Variants in GPR107 observed in about 807,000 individuals in gnomAD.
The protein encoded by GPR107 is G protein-coupled receptor 107.
Under a neutral mutation model 75.5 loss-of-function variants are expected in GPR107, and 31 were observed. The ratio of observed to expected loss-of-function variants is 0.41; its 90% CI spans 0.31 to 0.55. The LOEUF is 0.55. Ranked by LOEUF, GPR107 falls within the 20% of genes least tolerant of loss-of-function variation. The probability of loss-of-function intolerance (pLI) is 0.26; values close to 1 mark genes in which losing one functional copy is unlikely to be tolerated. For missense variants in GPR107, 572 were observed against 665.7 expected, an observed-to-expected ratio of 0.86 and a Z score of 1.55; for synonymous variants, 267 against 251.3, an observed-to-expected ratio of 1.06 and a Z score of -0.59.
At chr9:130,128,244 C>G (rs536797199) in intron 16 of GPR107, among the ~76,000 whole-genome samples, 1 of 152,182 alleles carries the variant, frequency 6.6e-6, no homozygotes, top group East Asian at 1.9e-4. Context: ...CTTCTTTGCC[C>G]ATTTTATTAT....
intron 10 of GPR107, among the ~76,000 whole-genome samples, chr9:130,100,386 A>G (rs1038671599): frequency 6.6e-6 from 1 of 152,222 alleles, no homozygotes; most frequent in Admixed American, 6.5e-5. Flanking sequence ...TAAGATCACA[A>G]CTTCTCCTGT....
intron 1 of GPR107, among the ~76,000 whole-genome samples, chr9:130,071,023 CTTTTTTTTTTTCTTTT>C (rs1412546039): frequency 1.9e-5 from 2 of 106,282 alleles, no homozygotes; most frequent in Non-Finnish European, 3.8e-5. Flanking sequence ...CCAGTCCTAA[CTTTTTTTTTTTCTTTT>C]TTTTTTTTTT....
At chr9:130,086,545 A>G in intron 7 of GPR107, 69 bp downstream of exon 7, 1 of 908,830 alleles carries the variant, frequency 1.1e-6, no homozygotes, top group South Asian at 1.4e-5. Flanking sequence ...ATTTTTTTTT[A>G]GAGGAATTTT....
chr9:130,101,251 C>A, intron 12 of GPR107, 28 bp downstream of exon 12: 1 of 1,205,614 alleles, frequency 8.3e-7, no homozygotes, highest in Non-Finnish European at 1.2e-6. Context: ...CCATTTGTCA[C>A]TTCCTTTCTT....
At position 130,079,260 on chromosome 9, in the gene GPR107, G is replaced by T. The variant is rs145928896; in HGVS notation, c.387-370G>T. ...TTACAGGCGTGAGCCACCATGCCTG[G>T]CCTGGATTTCACTTTAAAGTCTTAC... On this transcript the variant is annotated intron_variant, in intron 4 of 17. Coordinates refer to ENST00000347136, the MANE Select transcript of GPR107 (RefSeq NM_020960.5). Among the ~76,000 whole-genome samples the T allele has an allele frequency of 3.0e-3, 464 of 152,272 alleles. 4 individuals carry two copies. Among genetic ancestry groups the T allele is most frequent in the African/African-American group, 0.01 (430 of 41,558 alleles).
intron 3 of GPR107, among the ~76,000 whole-genome samples, chr9:130,076,891 T>G (rs977197934): frequency 2.0e-5 from 3 of 150,434 alleles, no homozygotes; most frequent in South Asian, 2.1e-4. Flanking sequence ...CTTTTGTTTT[T>G]TGTTTTTTTT....
intron 6 of GPR107, among the ~76,000 whole-genome samples, chr9:130,085,053 T>C (rs1830583472): frequency 1.3e-5 from 2 of 152,080 alleles, no homozygotes; most frequent in Non-Finnish European, 2.9e-5. Context: ...TCTTAGATAA[T>C]ATAGGGCCAA....
At chr9:130,065,386 G>A (rs1169003575) in intron 1 of GPR107, among the ~76,000 whole-genome samples, 1 of 150,198 alleles carries the variant, frequency 6.7e-6, no homozygotes, top group Non-Finnish European at 1.5e-5. Flanking sequence ...ACAGTGAGCC[G>A]AGATCGCACC....
At chr9:130,091,974 G>T (rs575049082) in intron 8 of GPR107, among the ~76,000 whole-genome samples, 1 of 151,982 alleles carries the variant, frequency 6.6e-6, no homozygotes, top group African/African-American at 2.4e-5. Flanking sequence ...GATTACAGGC[G>T]TGAGCCACTG....
chr9:130,072,513 C>G (rs1564662217), intron 1 of GPR107, among the ~76,000 whole-genome samples: 3 of 152,018 alleles, frequency 2.0e-5, no homozygotes, highest in East Asian at 3.9e-4. Context: ...GCCACCGCGC[C>G]CGGCCTTGAT....
Position 130,053,955 on chromosome 9 carries a change from G to A in GPR107, c.23G>A (p.Gly8Asp), listed in dbSNP as rs748597327. Residue 8 changes from glycine (G) to aspartate (D), a missense_variant, in exon 1 of 18, where the codon GGC (glycine) becomes GAC (aspartate). Transcript: ENST00000347136. MAALAPVGSPASRGPRLA... is the reference protein window; with the variant it reads MAALAPVDSPASRGPRLA... ...AACATGGCCGCTCTGGCGCCCGTCGGCTCCCCCGCCTCCCGCGGTCCTAGG... is the reference window on the plus strand; with the variant it reads ...AACATGGCCGCTCTGGCGCCCGTCGACTCCCCCGCCTCCCGCGGTCCTAGG... 1 of 1,555,970 alleles carries A rather than the reference G, an allele frequency of 6.4e-7. No individual in the cohort carries two copies. The highest frequency in any genetic ancestry group is 8.7e-7 in the Non-Finnish European group (1 of 1,151,368).
At chr9:130,066,866 G>T (rs1830082761) in intron 1 of GPR107, among the ~76,000 whole-genome samples, 1 of 152,078 alleles carries the variant, frequency 6.6e-6, no homozygotes, top group East Asian at 1.9e-4. Context: ...GGCGCCTGTA[G>T]TCCCAACTAC....
Position 130,076,611 on chromosome 9 carries a change from C to G in GPR107, c.306+149C>G, listed in dbSNP as rs547057650. Reference sequence around the variant, plus strand: ...CTCACTGCAACCTTGACCTCCCAGGCTTAAGCGATCCTCCCGCCTCAGTCC... The same window carrying G: ...CTCACTGCAACCTTGACCTCCCAGGGTTAAGCGATCCTCCCGCCTCAGTCC... On this transcript the variant is annotated intron_variant, in intron 3 of 17. Coordinates refer to ENST00000347136, the MANE Select transcript of GPR107 (RefSeq NM_020960.5). 1.1e-5 allele frequency: 7 copies of G among 635,602 alleles called. 1 individual carries two copies. The highest frequency in any genetic ancestry group is 2.6e-4 in the Middle Eastern group (1 of 3,918). 39.4% of individuals were successfully genotyped at this position (635,602 alleles called of 1,614,324 possible).
chr9:130,059,316 TG>T (rs1395092582), intron 1 of GPR107, among the ~76,000 whole-genome samples: 1 of 152,104 alleles, frequency 6.6e-6, no homozygotes, highest in Admixed American at 6.6e-5. Flanking sequence ...GGTAAAACCC[TG>T]TCTCTACTAA....
intron 9 of GPR107, among the ~76,000 whole-genome samples, chr9:130,094,681 G>GTT (rs540126705): frequency 1.3e-5 from 2 of 149,360 alleles, no homozygotes; most frequent in African/African-American, 4.9e-5. Flanking sequence ...GTTTGTTTTT[G>GTT]TTTTTTTTTG....
At position 130,120,912 on chromosome 9, in the gene GPR107, AAAAC is replaced by A. The variant is rs572565561; in HGVS notation, c.1307-3994_1307-3991del. The A allele has an allele frequency of 7.9e-5, 12 of 152,214 alleles. No homozygotes were observed. The South Asian group carries it at 8.3e-4, about 11-fold the overall frequency. The allele number at this position is 152,214 out of a possible 1,614,324, so 9.4% of individuals were successfully genotyped here. A position where few individuals can be genotyped will look rare whatever the true frequency, so the allele number is the denominator to read the frequency against. On this transcript the variant is annotated intron_variant, in intron 14 of 17. Coordinates refer to ENST00000347136, the MANE Select transcript of GPR107 (RefSeq NM_020960.5). The stretch of plus-strand genomic sequence containing the variant: ...TCACTGCTGCAGTTGACTAGTTTAA[AAAAC>A]AAACAAACGGGCTGGCAGGGTGGCT...
chr9:130,069,984 CTTTTTT>C (rs1045979986), intron 1 of GPR107, among the ~76,000 whole-genome samples: 1 of 45,426 alleles, frequency 2.2e-5, no homozygotes, highest in African/African-American at 8.6e-5. Flanking sequence ...TGCCTGGCCT[CTTTTTT>C]TTTTTTTTTT....
At position 130,085,754 on chromosome 9, in the gene GPR107, A is replaced by ATTTTTTTTTTTTTT. The variant is rs71387311; in HGVS notation, c.565-662_565-649dup. On this transcript the variant is annotated intron_variant, in intron 6 of 17. Transcript: ENST00000347136. Reference sequence around the variant, plus strand: ...TTACTGTATAAATGGCAATATTTTGATTTTTTTTTTTTTTTTTGCCGGGGG... The same window carrying ATTTTTTTTTTTTTT: ...TTACTGTATAAATGGCAATATTTTGATTTTTTTTTTTTTTTTTTTTTTTTTTTTTTTGCCGGGGG... Among the ~76,000 whole-genome samples, 539 of 78,582 alleles carry ATTTTTTTTTTTTTT rather than the reference A, an allele frequency of 6.9e-3. 114 individuals are homozygous for ATTTTTTTTTTTTTT. The highest frequency in any genetic ancestry group is 0.025 in the Middle Eastern group (3 of 120). The allele number at this position is 78,582 out of a possible 152,430, so 51.6% of individuals were successfully genotyped here.
intron 14 of GPR107, among the ~76,000 whole-genome samples, chr9:130,124,304 G>A (rs1181629888): frequency 6.6e-6 from 1 of 152,208 alleles, no homozygotes; most frequent in Non-Finnish European, 1.5e-5. Context: ...AGAGCCGTAG[G>A]CAGTGTCAGG....
Sources: gnomAD v4.1 joint callset for allele counts (sites outside exome capture counted in the v4.1 genomes callset) on GRCh38, gnomAD v4.1.1 for gene constraint, MANE v1.5 for transcripts, NCBI Gene and HGNC (gene_info 2026-07-23, HGNC 2026-07-21) for gene names.